ASCC1: variants seen among roughly 807,000 people sequenced by gnomAD.
ASCC1 encodes the protein ASC-1 complex subunit P50.
Under a neutral mutation model 46.6 loss-of-function variants are expected in ASCC1, and 35 were observed. The ratio of observed to expected loss-of-function variants is 0.75; its 90% confidence interval spans 0.57 to 0.99. The LOEUF is 0.99. ASCC1 is among the 50% of genes least tolerant of loss of function. The probability of loss-of-function intolerance (pLI) is 0.00; values close to 1 mark genes in which losing one functional copy is unlikely to be tolerated. For synonymous variants in ASCC1, 143 were observed against 146.6 expected, an observed-to-expected ratio of 0.98 and a Z score of 0.18; for missense variants, 376 against 428.7, an observed-to-expected ratio of 0.88 and a Z score of 1.09.
intron 6 of ASCC1, among the ~76,000 whole-genome samples, chr10:72,154,173 G>T (rs1848687683): frequency 6.6e-6 from 1 of 152,152 alleles, no homozygotes; most frequent in African/African-American, 2.4e-5. Context: ...TGTTGATAAA[G>T]CAAAGTTCTC....
chr10:72,184,787 C>T (rs953130799), intron 5 of ASCC1, among the ~76,000 whole-genome samples: 5 of 136,382 alleles, frequency 3.7e-5, no homozygotes, highest in Non-Finnish European at 1.5e-5. Context: ...AAGACTCTAT[C>T]TCAAAAAAAA....
intron 7 of ASCC1, among the ~76,000 whole-genome samples, chr10:72,147,553 T>G (rs1847792209): frequency 6.6e-6 from 1 of 152,152 alleles, no homozygotes; most frequent in East Asian, 1.9e-4. Flanking sequence ...GTGGCTGGCC[T>G]AAAATAATAA....
At chr10:72,203,391 T>G (rs770948980) in intron 4 of ASCC1, 36 bp downstream of exon 4, 1 of 1,466,446 alleles carries the variant, frequency 6.8e-7, no homozygotes, top group Non-Finnish European at 9.6e-7. Flanking sequence ...CATGCAAAAG[T>G]GACTTCAAAT....
chr10:72,193,343 G>C (rs1003117512), intron 5 of ASCC1, among the ~76,000 whole-genome samples: 3 of 152,046 alleles, frequency 2.0e-5, no homozygotes, highest in African/African-American at 7.2e-5. Flanking sequence ...CAACTTGGAT[G>C]AATCTCAAAA....
At chr10:72,118,325 C>T (rs1305168320) in intron 9 of ASCC1, among the ~76,000 whole-genome samples, 2 of 150,870 alleles carry the variant, frequency 1.3e-5, no homozygotes, top group African/African-American at 2.4e-5. Context: ...CAAGATCGTG[C>T]CACTGCACTC....
intron 5 of ASCC1, among the ~76,000 whole-genome samples, chr10:72,189,751 G>A (rs190416197): frequency 4.2e-4 from 59 of 140,746 alleles, no homozygotes; most frequent in Non-Finnish European, 6.6e-4. Context: ...GCAGTGAGCC[G>A]AGATCGCACC....
In ASCC1 at chr10:72,165,489, A is replaced by T. The variant is rs191165363; in HGVS notation, c.490-3815T>A. 5.0e-4 allele frequency among the ~76,000 whole-genome samples: 76 copies of T among 152,354 alleles called. 1 individual carries two copies. The East Asian group carries it at 0.014, about 29-fold the overall frequency. On this transcript the variant is annotated intron_variant, in intron 5 of 9. Transcript: ENST00000672957. ...CTGAACTGCAAGTTCTTATTGTATA[A>T]TCAGGTCTCTGGCCTGATAAAATGC...
At chr10:72,098,285 G>T (rs546972354) in intron 9 of ASCC1, among the ~76,000 whole-genome samples, 1 of 152,224 alleles carries the variant, frequency 6.6e-6, no homozygotes, top group East Asian at 1.9e-4. Context: ...GAGCGTCAAA[G>T]AGTAAAGAGC....
intron 7 of ASCC1, among the ~76,000 whole-genome samples, chr10:72,147,125 T>C (rs568507289): frequency 7.6e-4 from 115 of 150,702 alleles, no homozygotes; most frequent in African/African-American, 2.7e-3. Flanking sequence ...TTTGAAATAA[T>C]ACAAAAGTGG....
chr10:72,140,160 A>G (rs1327192468), intron 7 of ASCC1, among the ~76,000 whole-genome samples: 1 of 152,248 alleles, frequency 6.6e-6, no homozygotes, highest in Non-Finnish European at 1.5e-5. Context: ...CAAATAACAC[A>G]TAACTCCCTG....
intron 6 of ASCC1, among the ~76,000 whole-genome samples, chr10:72,153,864 G>A (rs1408788920): frequency 6.6e-6 from 1 of 152,060 alleles, no homozygotes; most frequent in Admixed American, 6.6e-5. Context: ...TGGGACTACA[G>A]GCACCTGCCA....
intron 4 of ASCC1, among the ~76,000 whole-genome samples, chr10:72,202,527 C>T (rs1367662621): frequency 6.6e-6 from 1 of 152,018 alleles, no homozygotes; most frequent in Non-Finnish European, 1.5e-5. Context: ...CCTAACAATG[C>T]CCCTCACTCA....
At chr10:72,208,663 T>C (rs1444077846) in intron 3 of ASCC1, among the ~76,000 whole-genome samples, 4 of 151,940 alleles carry the variant, frequency 2.6e-5, no homozygotes, top group African/African-American at 9.7e-5. Flanking sequence ...AGGAAGCTGA[T>C]GCAAGAAAAT....
At chr10:72,116,011 G>A (rs933857558) in intron 9 of ASCC1, among the ~76,000 whole-genome samples, 14 of 152,136 alleles carry the variant, frequency 9.2e-5, no homozygotes, top group Admixed American at 3.3e-4. Flanking sequence ...TGCATCTATC[G>A]TAAACATTGC....
At chr10:72,154,794 T>C (rs1293582742) in intron 6 of ASCC1, among the ~76,000 whole-genome samples, 2 of 152,158 alleles carry the variant, frequency 1.3e-5, no homozygotes, top group East Asian at 3.9e-4. Flanking sequence ...ACTTGGCCTA[T>C]GCATAGGGTT....
chr10:72,177,027 C>G (rs1851941712), intron 5 of ASCC1, among the ~76,000 whole-genome samples: 1 of 151,970 alleles, frequency 6.6e-6, no homozygotes, highest in African/African-American at 2.4e-5. Flanking sequence ...GTCTATTTCC[C>G]ACACCCTAGA....
At chr10:72,174,551 C>T (rs185802356) in intron 5 of ASCC1, among the ~76,000 whole-genome samples, 39 of 152,300 alleles carry the variant, frequency 2.6e-4, no homozygotes, top group African/African-American at 8.9e-4. Flanking sequence ...TCACACTCCA[C>T]TACATGCTAG....
chr10:72,111,170 G>A (rs777420120), intron 9 of ASCC1, among the ~76,000 whole-genome samples: 1 of 152,138 alleles, frequency 6.6e-6, no homozygotes, highest in Admixed American at 6.5e-5. Context: ...GCATGTCACA[G>A]TCATAAGGCC....
chr10:72,109,933 TC>T (rs1842744520), intron 9 of ASCC1, among the ~76,000 whole-genome samples: 1 of 152,196 alleles, frequency 6.6e-6, no homozygotes, highest in Non-Finnish European at 1.5e-5. Flanking sequence ...AGAATTAGCC[TC>T]AGAGATGAGA....
Sources: gnomAD v4.1 joint callset for allele counts (sites outside exome capture counted in the v4.1 genomes callset) on GRCh38, gnomAD v4.1.1 for gene constraint, MANE v1.5 for transcripts, NCBI Gene and HGNC (gene_info 2026-07-23, HGNC 2026-07-21) for gene names.